Variants in CTNNA2 observed in about 807,000 individuals in gnomAD.
CTNNA2 encodes the protein catenin alpha 2.
CTNNA2 carries 42 observed loss-of-function variants against 101.0 expected under a neutral mutation model. The observed-to-expected ratio is 0.42, with a 90% CI of 0.32 to 0.54. The LOEUF (loss-of-function observed/expected upper bound fraction) is 0.54. Ranked by LOEUF, CTNNA2 falls within the 20% of genes least tolerant of loss-of-function variation. The pLI is 0.14. For missense variants in CTNNA2, 871 were observed against 1,223.1 expected (o/e 0.71, Z 4.29); for synonymous variants, 450 against 456.4 (o/e 0.99, Z 0.18).
At chr2:80,631,149 G>A (rs1387821760) in intron 18 of CTNNA2, among the ~76,000 whole-genome samples, 1 of 152,114 alleles carries the variant, frequency 6.6e-6, no homozygotes, top group Non-Finnish European at 1.5e-5. Context: ...CTCTAAGATA[G>A]CAATTGTGCC....
At chr2:80,554,388 T>TGC (rs1692842887) in intron 11 of CTNNA2, among the ~76,000 whole-genome samples, 1 of 152,210 alleles carries the variant, frequency 6.6e-6, no homozygotes, top group Non-Finnish European at 1.5e-5. Flanking sequence ...TAAAAATATA[T>TGC]TTATCAAAAG....
At chr2:79,599,006 CT>C in intron 1 of CTNNA2, among the ~76,000 whole-genome samples, 1 of 152,194 alleles carries the variant, frequency 6.6e-6, no homozygotes, top group East Asian at 1.9e-4. Context: ...ATCTAGACCG[CT>C]TTTTTTAATG....
chr2:80,398,181 C>A (rs1559076137), intron 8 of CTNNA2, among the ~76,000 whole-genome samples: 3 of 152,092 alleles, frequency 2.0e-5, no homozygotes, highest in African/African-American at 7.2e-5. Flanking sequence ...TATAGACTTT[C>A]CAGAACAATT....
At chr2:79,308,552 G>A (rs1297280851) in intron 2 of CTNNA2, among the ~76,000 whole-genome samples, 1 of 151,900 alleles carries the variant, frequency 6.6e-6, no homozygotes, top group African/African-American at 2.4e-5. Context: ...CTGTGCTTTC[G>A]AGCTCTTATT....
At chr2:80,524,687 C>T (rs1247504002) in intron 9 of CTNNA2, among the ~76,000 whole-genome samples, 3 of 152,148 alleles carry the variant, frequency 2.0e-5, no homozygotes, top group East Asian at 3.9e-4. Flanking sequence ...TTTGCCATTA[C>T]CTCCTTCCCC....
chr2:79,411,937 A>G (rs1351131982), intron 4 of CTNNA2, among the ~76,000 whole-genome samples: 1 of 152,176 alleles, frequency 6.6e-6, no homozygotes, highest in African/African-American at 2.4e-5. Flanking sequence ...TCCAATTAAA[A>G]GACACAGACT....
intron 4 of CTNNA2, among the ~76,000 whole-genome samples, chr2:79,387,818 G>A (rs1678121747): frequency 1.3e-5 from 2 of 152,200 alleles, no homozygotes; most frequent in Non-Finnish European, 2.9e-5. Flanking sequence ...CTAGAAAAGA[G>A]CTGGACTGGT....
chr2:79,493,560 G>A (rs961045066), intron 4 of CTNNA2, among the ~76,000 whole-genome samples: 7 of 152,168 alleles, frequency 4.6e-5, no homozygotes, highest in Non-Finnish European at 1.0e-4. Context: ...AGGTTGCAGT[G>A]AGCCGAGACC....
intron 1 of CTNNA2, among the ~76,000 whole-genome samples, chr2:79,549,959 A>G (rs1170643011): frequency 1.3e-5 from 2 of 152,166 alleles, no homozygotes; most frequent in South Asian, 2.1e-4. Flanking sequence ...TTAATTATAT[A>G]AGGGCCAGTA....
At chr2:79,197,302 A>C (rs1488789463) in intron 1 of CTNNA2, among the ~76,000 whole-genome samples, 1 of 152,080 alleles carries the variant, frequency 6.6e-6, no homozygotes, top group Non-Finnish European at 1.5e-5. Context: ...GAGTGAACAA[A>C]AGTGGTAAGG....
chr2:80,003,726 G>A (rs748173121), intron 7 of CTNNA2, among the ~76,000 whole-genome samples: 3 of 152,140 alleles, frequency 2.0e-5, no homozygotes, highest in Non-Finnish European at 4.4e-5. Flanking sequence ...ACGCTGGTTG[G>A]TCAAGATGTG....
chr2:80,231,079 C>T (rs1709183110), intron 7 of CTNNA2, among the ~76,000 whole-genome samples: 1 of 152,088 alleles, frequency 6.6e-6, no homozygotes, highest in Non-Finnish European at 1.5e-5. Context: ...TCAAGTGATT[C>T]TCCTGCCTCG....
intron 7 of CTNNA2, among the ~76,000 whole-genome samples, chr2:80,363,902 A>G (rs992604658): frequency 6.6e-6 from 1 of 152,126 alleles, no homozygotes; most frequent in African/African-American, 2.4e-5. Context: ...TGTCTGTTCA[A>G]TTCCCATTCC....
intron 7 of CTNNA2, among the ~76,000 whole-genome samples, chr2:80,357,280 A>ATT (rs139134287): frequency 4.6e-5 from 5 of 109,632 alleles, no homozygotes; most frequent in African/African-American, 1.5e-4. Context: ...TTTATTTTTT[A>ATT]TTTTTTTTTG....
chr2:80,114,126 A>G (rs1177959311), intron 7 of CTNNA2, among the ~76,000 whole-genome samples: 1 of 152,172 alleles, frequency 6.6e-6, no homozygotes, highest in Non-Finnish European at 1.5e-5. Context: ...TAAATAATGT[A>G]CATTGTTCTT....
At chr2:79,523,336 A>T (rs1336050058) in intron 1 of CTNNA2, 1 of 378,686 alleles carries the variant, frequency 2.6e-6, no homozygotes, top group Non-Finnish European at 5.1e-6. Context: ...ATATACATAT[A>T]TATTTTTTTC....
chr2:79,835,530 T>G (rs1348534208), intron 3 of CTNNA2, among the ~76,000 whole-genome samples: 1 of 152,074 alleles, frequency 6.6e-6, no homozygotes, highest in Non-Finnish European at 1.5e-5. Flanking sequence ...TTTCAGGCAA[T>G]ACCTCCCTGA....
chr2:79,608,903 C>T (rs1678080989), intron 1 of CTNNA2, among the ~76,000 whole-genome samples: 1 of 151,704 alleles, frequency 6.6e-6, no homozygotes, highest in African/African-American at 2.4e-5. Flanking sequence ...GAGGACTTAG[C>T]CAGTATAATT....
rs536691710 is a variant in CTNNA2 at position 79,570,768 on chromosome 2, G to A, written c.-6+57561G>A. Among the ~76,000 whole-genome samples the A allele has an allele frequency of 2.0e-5, 3 of 152,212 alleles. No homozygotes were observed. In the East Asian group the frequency reaches 5.8e-4, roughly 29 times the overall value. ...TCAGAGATCATTGCAGAGGAAAATAGAGCATGAATTAGTCAGCTCTTTTCT... is the reference window on the plus strand; with the variant it reads ...TCAGAGATCATTGCAGAGGAAAATAAAGCATGAATTAGTCAGCTCTTTTCT... On this transcript the variant is annotated intron_variant, in intron 1 of 18. Coordinates refer to ENST00000402739, the MANE Select transcript of CTNNA2 (RefSeq NM_001282597.3).
Sources: gnomAD v4.1 joint callset for allele counts (sites outside exome capture counted in the v4.1 genomes callset) on GRCh38, gnomAD v4.1.1 for gene constraint, MANE v1.5 for transcripts, NCBI Gene and HGNC (gene_info 2026-07-23, HGNC 2026-07-21) for gene names.